Variants in PIGK observed in about 807,000 individuals in gnomAD.
The protein encoded by PIGK is phosphatidylinositol glycan anchor biosynthesis class K.
In PIGK, 42 loss-of-function variants were observed where a neutral mutation model predicts 50.6. That is an observed-to-expected ratio of 0.83 (90% CI 0.65 to 1.07). The LOEUF (loss-of-function observed/expected upper bound fraction) is 1.07. PIGK is among the 50% of genes least tolerant of loss of function. PIGK has a pLI of 0.00. For missense variants in PIGK, 448 were observed against 488.7 expected (o/e 0.92, Z 0.78); for synonymous variants, 151 against 156.0 (o/e 0.97, Z 0.24).
At chr1:77,213,080 A>G (rs1202296863) in intron 1 of PIGK, among the ~76,000 whole-genome samples, 1 of 152,120 alleles carries the variant, frequency 6.6e-6, no homozygotes, top group Non-Finnish European at 1.5e-5. Flanking sequence ...GTGCATCACC[A>G]CACCCAGCTA....
chr1:77,095,477 T>C (rs1056734808), intron 10 of PIGK, among the ~76,000 whole-genome samples: 1 of 152,122 alleles, frequency 6.6e-6, no homozygotes, highest in Non-Finnish European at 1.5e-5. Context: ...AAGATGGCTT[T>C]ATGAGGCAGC....
intron 3 of PIGK, chr1:77,194,831 T>C: frequency 2.7e-6 from 1 of 369,548 alleles, no homozygotes; most frequent in East Asian, 6.6e-5. Flanking sequence ...AGTGACCAGG[T>C]CATCAAGATT....
At chr1:77,106,802 TA>T (rs1320325709) in intron 10 of PIGK, among the ~76,000 whole-genome samples, 1 of 152,124 alleles carries the variant, frequency 6.6e-6, no homozygotes, top group African/African-American at 2.4e-5. Flanking sequence ...ATATATAATT[TA>T]TACATCTCTC....
chr1:77,098,268 A>G (rs1488149055), intron 10 of PIGK, among the ~76,000 whole-genome samples: 1 of 152,198 alleles, frequency 6.6e-6, no homozygotes, highest in Non-Finnish European at 1.5e-5. Flanking sequence ...AAAATGTAGG[A>G]GAATCTGTAC....
chr1:77,115,254 G>A (rs1413816496), intron 10 of PIGK, among the ~76,000 whole-genome samples: 2 of 152,136 alleles, frequency 1.3e-5, no homozygotes, highest in East Asian at 1.9e-4. Flanking sequence ...GCAGAAAAGT[G>A]AGAAGAGATT....
At chr1:77,106,786 A>C (rs185048901) in intron 10 of PIGK, among the ~76,000 whole-genome samples, 1 of 152,186 alleles carries the variant, frequency 6.6e-6, no homozygotes, top group Non-Finnish European at 1.5e-5. Context: ...TAGCATCTAC[A>C]TATCAATATA....
intron 10 of PIGK, among the ~76,000 whole-genome samples, chr1:77,119,383 C>T (rs1296219018): frequency 3.3e-5 from 5 of 152,168 alleles, no homozygotes; most frequent in African/African-American, 7.2e-5. Context: ...TAGTTCTCTT[C>T]ACTGCTGTGA....
intron 1 of PIGK, among the ~76,000 whole-genome samples, chr1:77,218,133 T>G (rs565880727): frequency 3.0e-4 from 46 of 152,300 alleles, no homozygotes; most frequent in African/African-American, 1.1e-3. Context: ...AAGCTCAAGG[T>G]GCCCAGGTGG....
chr1:77,106,619 C>T (rs1225475615), intron 10 of PIGK, among the ~76,000 whole-genome samples: 1 of 151,586 alleles, frequency 6.6e-6, no homozygotes, highest in African/African-American at 2.4e-5. Context: ...GGATAAAGGC[C>T]CTCTATGTGG....
chr1:77,128,015 T>A (rs1282089951), intron 9 of PIGK, among the ~76,000 whole-genome samples: 2 of 152,170 alleles, frequency 1.3e-5, no homozygotes, highest in Non-Finnish European at 2.9e-5. Flanking sequence ...AGTTTATTGG[T>A]CAATGGAGAC....
intron 10 of PIGK, among the ~76,000 whole-genome samples, chr1:77,108,496 G>A (rs12091222): frequency 0.18 from 26,643 of 151,852 alleles, 2,529 homozygotes; most frequent in East Asian, 0.36. Flanking sequence ...TGGGTAACCC[G>A]ACCTTTCTCT....
intron 9 of PIGK, among the ~76,000 whole-genome samples, chr1:77,143,624 T>C (rs1478939808): frequency 6.6e-6 from 1 of 152,208 alleles, no homozygotes; most frequent in Admixed American, 6.5e-5. Flanking sequence ...AAAACAACAA[T>C]CATAATTTAT....
chr1:77,153,737 A>G (rs1175666914), intron 9 of PIGK: 1 of 152,136 alleles, frequency 6.6e-6, no homozygotes, highest in African/African-American at 2.4e-5. Flanking sequence ...AATCTTTGAA[A>G]TTTTGAAAAT....
At chr1:77,194,405 G>C (rs1570255430) in intron 3 of PIGK, among the ~76,000 whole-genome samples, 1 of 152,114 alleles carries the variant, frequency 6.6e-6, no homozygotes, top group East Asian at 1.9e-4. Context: ...ATAAATAGTG[G>C]ATTGGATAAA....
chr1:77,107,392 A>T (rs1300361172), intron 10 of PIGK, among the ~76,000 whole-genome samples: 2 of 152,032 alleles, frequency 1.3e-5, no homozygotes, highest in African/African-American at 4.8e-5. Flanking sequence ...CATGTAGTTG[A>T]GCAGTTTTCA....
At chr1:77,127,241 G>T (rs1369973677) in intron 9 of PIGK, among the ~76,000 whole-genome samples, 2 of 152,062 alleles carry the variant, frequency 1.3e-5, no homozygotes, top group African/African-American at 4.8e-5. Context: ...TCTCTTTCAT[G>T]TTTATCCAGT....
At chr1:77,207,455 C>T (rs1375757525) in intron 2 of PIGK, among the ~76,000 whole-genome samples, 1 of 152,060 alleles carries the variant, frequency 6.6e-6, no homozygotes, top group African/African-American at 2.4e-5. Context: ...ACATTGCTTC[C>T]TTTATTGTGA....
intron 9 of PIGK, among the ~76,000 whole-genome samples, chr1:77,125,507 C>T (rs891466365): frequency 1.3e-5 from 2 of 152,216 alleles, no homozygotes; most frequent in South Asian, 2.1e-4. Context: ...CTTAAAAACA[C>T]ATGTCCATTG....
chr1:77,123,307 C>G (rs754570769), intron 9 of PIGK, among the ~76,000 whole-genome samples: 1 of 152,094 alleles, frequency 6.6e-6, no homozygotes, highest in South Asian at 2.1e-4. Context: ...TTAAAAATTA[C>G]TAAACTTTAA....
Sources: gnomAD v4.1 joint callset for allele counts (sites outside exome capture counted in the v4.1 genomes callset) on GRCh38, gnomAD v4.1.1 for gene constraint, MANE v1.5 for transcripts, NCBI Gene and HGNC (gene_info 2026-07-23, HGNC 2026-07-21) for gene names.